CHD7: variants seen among roughly 807,000 people sequenced by gnomAD.
CHD7 encodes the protein ATP-dependent chromatin remodeler CHD7.
In CHD7, 24 loss-of-function variants were observed where a neutral mutation model predicts 307.3. The ratio of observed to expected loss-of-function variants is 0.08; its 90% CI spans 0.06 to 0.11. The LOEUF (loss-of-function observed/expected upper bound fraction) is 0.11, where lower values mean the gene tolerates loss of function less well. Among genes scored for constraint, CHD7 ranks in the 10% least tolerant of loss-of-function variants. The probability of loss-of-function intolerance (pLI) is 1.00; values close to 1 mark genes in which losing one functional copy is unlikely to be tolerated. For synonymous variants in CHD7, 1,363 were observed against 1,349.9 expected (o/e 1.01, Z -0.21); for missense variants, 3,106 against 3,727.1 (o/e 0.83, Z 4.34).
At chr8:60,722,654 T>G (rs1807968757) in intron 1 of CHD7, among the ~76,000 whole-genome samples, 1 of 152,210 alleles carries the variant, frequency 6.6e-6, no homozygotes, top group Non-Finnish European at 1.5e-5. Context: ...GTAACTTTTG[T>G]TTTTTAAAAC....
rs775930258 is a variant in CHD7, at chr8:60,828,651, G to A, written c.3379-12G>A. 1.3e-6 allele frequency: 2 copies of A among 1,592,938 alleles called. No homozygotes were observed. The highest frequency in any genetic ancestry group is 1.4e-5 in the African/African-American group (1 of 73,954). Reference sequence around the variant, plus strand: ...TACAATTTGGTTAGTGGCTTTCCTTGTGTTACCTCAGGAACACAAAGTGCT... The same window carrying A: ...TACAATTTGGTTAGTGGCTTTCCTTATGTTACCTCAGGAACACAAAGTGCT... On this transcript the variant is annotated splice_polypyrimidine_tract_variant and intron_variant, in intron 13 of 37. Transcript: ENST00000423902.
intron 2 of CHD7, among the ~76,000 whole-genome samples, chr8:60,756,172 G>T (rs571959932): frequency 7.3e-4 from 111 of 152,194 alleles, no homozygotes; most frequent in Admixed American, 2.0e-3. Flanking sequence ...AAGATGTAGA[G>T]CACAATTAAA....
intron 1 of CHD7, among the ~76,000 whole-genome samples, chr8:60,684,364 G>A (rs1805777005): frequency 6.6e-6 from 1 of 152,114 alleles, no homozygotes; most frequent in South Asian, 2.1e-4. Context: ...TCATTGATTC[G>A]GCTGTTTGTT....
intron 21 of CHD7, 65 bp downstream of exon 21, chr8:60,842,117 A>G: frequency 1.5e-6 from 2 of 1,312,210 alleles, no homozygotes; most frequent in East Asian, 2.4e-5. Context: ...CCCAACTGGT[A>G]GAGAAAAACT....
intron 2 of CHD7, among the ~76,000 whole-genome samples, chr8:60,762,559 A>G (rs1197600272): frequency 6.6e-6 from 1 of 152,224 alleles, no homozygotes; most frequent in East Asian, 1.9e-4. Context: ...TAACCGTGTT[A>G]TTAGAAAGAC....
intron 6 of CHD7, among the ~76,000 whole-genome samples, chr8:60,804,088 A>G (rs1330588838): frequency 6.6e-6 from 1 of 152,206 alleles, no homozygotes; most frequent in Non-Finnish European, 1.5e-5. Flanking sequence ...CATAAAACTC[A>G]CCTGGCAGAG....
At chr8:60,804,845 C>T (rs1459283369) in intron 6 of CHD7, among the ~76,000 whole-genome samples, 1 of 152,166 alleles carries the variant, frequency 6.6e-6, no homozygotes, top group Non-Finnish European at 1.5e-5. Context: ...TTTGTTTGAA[C>T]AGTGGGACAA....
chr8:60,768,469 G>A (rs1810572614), intron 2 of CHD7, among the ~76,000 whole-genome samples: 3 of 152,196 alleles, frequency 2.0e-5, no homozygotes, highest in Admixed American at 1.3e-4. Flanking sequence ...TACTTGGATG[G>A]GGTGGCTGCA....
At chr8:60,691,980 C>T (rs1232164758) in intron 1 of CHD7, among the ~76,000 whole-genome samples, 1 of 152,050 alleles carries the variant, frequency 6.6e-6, no homozygotes, top group Non-Finnish European at 1.5e-5. Context: ...TGAATTAAAT[C>T]TCCCTGGGTC....
intron 1 of CHD7, among the ~76,000 whole-genome samples, chr8:60,690,192 G>A (rs1304509097): frequency 1.3e-5 from 2 of 150,322 alleles, no homozygotes; most frequent in Admixed American, 6.6e-5. Flanking sequence ...CTTTGCCAGG[G>A]GATTAAAAAA....
intron 13 of CHD7, chr8:60,825,235 A>G (rs1804211403): frequency 1.3e-5 from 2 of 152,258 alleles, no homozygotes; most frequent in Non-Finnish European, 2.9e-5. Context: ...ATTCTCTGAA[A>G]GAGCAGCTTA....
chr8:60,795,089 TCTC>T lies in CHD7; in HGVS notation c.2209_2211del (p.Pro737del), dbSNP rs748363597. 78 of 1,613,668 alleles carry T rather than the reference TCTC, an allele frequency of 4.8e-5. No homozygotes were observed. The African/African-American group carries it at 8.8e-4, about 18-fold the overall frequency. On this transcript the variant is annotated inframe_deletion, in exon 4 of 38. Transcript: ENST00000423902. ...AGACTTAGACAAAACACCCCCACCATCTCCTCCTCCTGAAGAAGATGAGGACCC... is the reference window on the plus strand; with the variant it reads ...AGACTTAGACAAAACACCCCCACCATCTCCTCCTGAAGAAGATGAGGACCC...
intron 1 of CHD7, among the ~76,000 whole-genome samples, chr8:60,739,398 G>C (rs1026764789): frequency 3.3e-5 from 5 of 152,180 alleles, no homozygotes; most frequent in African/African-American, 1.2e-4. Context: ...GCCTTCTTAG[G>C]AGTGTATTTA....
intron 6 of CHD7, among the ~76,000 whole-genome samples, chr8:60,803,005 CTTGG>C (rs1314055510): frequency 3.9e-5 from 6 of 152,138 alleles, no homozygotes; most frequent in Non-Finnish European, 8.8e-5. Context: ...GACTGGCCAT[CTTGG>C]TGACTCTTTG....
In CHD7 at chr8:60,795,027, A is replaced by C; in HGVS notation, c.2138A>C (p.Lys713Thr). 6.2e-7 allele frequency: 1 copy of C among 1,613,548 alleles called. No individual in the cohort carries two copies. Among genetic ancestry groups the C allele is most frequent in the Non-Finnish European group, 8.5e-7 (1 of 1,179,608 alleles). The change falls in exon 4 of 38, where the codon AAG becomes ACG. Residue 713 changes from lysine to threonine, a missense_variant. Coordinates refer to ENST00000423902, the MANE Select transcript of CHD7 (RefSeq NM_017780.4). ...TCAGAAGCAAGTGCTTTGAAGAAAA[A>C]GGTCAACAAGGGAAAAACAGAAGGT... ...PDSEASALKK[K>T]VNKGKTEGSE...
intron 1 of CHD7, among the ~76,000 whole-genome samples, chr8:60,717,201 C>T (rs1468499126): frequency 6.6e-6 from 1 of 152,050 alleles, no homozygotes; most frequent in Non-Finnish European, 1.5e-5. Context: ...ATTAGAATAA[C>T]ATTAGTTTAC....
At chr8:60,736,439 T>C (rs1167056455) in intron 1 of CHD7, among the ~76,000 whole-genome samples, 1 of 152,204 alleles carries the variant, frequency 6.6e-6, no homozygotes. Flanking sequence ...TCTCTTGATA[T>C]GTTTTGCAGC....
At chr8:60,814,885 T>A (rs1803652670) in intron 7 of CHD7, among the ~76,000 whole-genome samples, 1 of 152,228 alleles carries the variant, frequency 6.6e-6, no homozygotes, top group African/African-American at 2.4e-5. Flanking sequence ...TTTTTTCAAA[T>A]TCAGAATATT....
intron 1 of CHD7, among the ~76,000 whole-genome samples, chr8:60,726,891 C>T (rs146453475): frequency 9.8e-5 from 15 of 152,318 alleles, no homozygotes; most frequent in South Asian, 2.1e-4. Flanking sequence ...CCTCTCCTAT[C>T]TCATCTCTTC....
Sources: gnomAD v4.1 joint callset for allele counts (sites outside exome capture counted in the v4.1 genomes callset) on GRCh38, gnomAD v4.1.1 for gene constraint, MANE v1.5 for transcripts, NCBI Gene and HGNC (gene_info 2026-07-23, HGNC 2026-07-21) for gene names.